The following ITPRID1 variants were observed in gnomAD, a reference collection of about 807,000 sequenced individuals.
ITPRID1 encodes protein ITPRID1.
A neutral mutation model predicts 95.4 loss-of-function variants in ITPRID1; 96 were observed. That is an observed-to-expected ratio of 1.01 (90% CI 0.85 to 1.19). The LOEUF (loss-of-function observed/expected upper bound fraction) is 1.19. Among genes scored for constraint, ITPRID1 ranks in the 50% most tolerant of loss-of-function variants. ITPRID1 has a pLI of 0.00. For missense variants in ITPRID1, 1,339 were observed against 1,252.9 expected (o/e 1.07, Z -1.04); for synonymous variants, 510 against 453.6 (o/e 1.12, Z -1.58).
At chr7:31,614,093 A>C (rs942697030) in intron 10 of ITPRID1, among the ~76,000 whole-genome samples, 11 of 152,176 alleles carry the variant, frequency 7.2e-5, no homozygotes, top group African/African-American at 2.7e-4. Flanking sequence ...ATCAAAGTTT[A>C]AGAACTCCTT....
intron 1 of ITPRID1, among the ~76,000 whole-genome samples, chr7:31,547,639 C>T (rs948869747): frequency 4.6e-5 from 7 of 152,074 alleles, no homozygotes; most frequent in Non-Finnish European, 7.4e-5. Context: ...CAAACCATAG[C>T]AGCTCCTTCT....
At chr7:31,645,325 A>C (rs868276303) in intron 12 of ITPRID1, among the ~76,000 whole-genome samples, 1 of 152,194 alleles carries the variant, frequency 6.6e-6, no homozygotes, top group African/African-American at 2.4e-5. Flanking sequence ...AAAGAGAGTG[A>C]TTACAGGAAA....
intron 5 of ITPRID1, among the ~76,000 whole-genome samples, chr7:31,568,267 C>T (rs1371628639): frequency 6.6e-6 from 1 of 152,178 alleles, no homozygotes; most frequent in Admixed American, 6.6e-5. Flanking sequence ...CTTATCTCCA[C>T]TCCCAAAATT....
chr7:31,518,515 G>A (rs1783119626), intron 1 of ITPRID1, among the ~76,000 whole-genome samples: 1 of 152,166 alleles, frequency 6.6e-6, no homozygotes, highest in Non-Finnish European at 1.5e-5. Flanking sequence ...AGATGGCAGA[G>A]TCAATGATGT....
chr7:31,657,139 AT>A (rs1217509852), downstream of ITPRID1, among the ~76,000 whole-genome samples: 1 of 148,458 alleles, frequency 6.7e-6, no homozygotes, highest in Non-Finnish European at 1.5e-5. Flanking sequence ...AATATATATA[AT>A]CATATATAAA....
In ITPRID1 at chr7:31,577,850, T is replaced by C; in HGVS notation, c.599-13T>C. 1.3e-6 allele frequency: 2 copies of C among 1,555,104 alleles called. No homozygotes were observed. Among genetic ancestry groups the C allele is most frequent in the Admixed American group, 2.0e-5 (1 of 49,962 alleles). On this transcript the variant is annotated splice_polypyrimidine_tract_variant and intron_variant, in intron 8 of 14. Coordinates refer to ENST00000615280, the MANE Select transcript of ITPRID1 (RefSeq NM_001257967.3). ...ACCCAATCTGAAACTTTCGTGTTTC[T>C]TGTGTTGTGCAGGTCGTTTCCGACA...
chr7:31,602,032 G>A (rs1007366798), intron 10 of ITPRID1, among the ~76,000 whole-genome samples: 1 of 151,916 alleles, frequency 6.6e-6, no homozygotes, highest in African/African-American at 2.4e-5. Flanking sequence ...CAGGCTTTAT[G>A]ATAAGGGGTT....
intron 10 of ITPRID1, among the ~76,000 whole-genome samples, chr7:31,603,345 G>A (rs537847765): frequency 1.5e-4 from 23 of 152,006 alleles, no homozygotes; most frequent in African/African-American, 5.1e-4. Flanking sequence ...TTAACACATT[G>A]GCTCCTGTGA....
intron 1 of ITPRID1, among the ~76,000 whole-genome samples, chr7:31,524,081 A>G (rs992263800): frequency 3.9e-4 from 59 of 152,318 alleles, no homozygotes; most frequent in African/African-American, 1.3e-3. Flanking sequence ...CGCAGGAAGT[A>G]TATGTTGGTA....
At chr7:31,607,774 G>T (rs1317839024) in intron 10 of ITPRID1, among the ~76,000 whole-genome samples, 1 of 151,288 alleles carries the variant, frequency 6.6e-6, no homozygotes, top group Admixed American at 6.6e-5. Context: ...TGACACTCAT[G>T]AATTAGTCCT....
chr7:31,529,928 C>A, intron 1 of ITPRID1: 2 of 871,834 alleles, frequency 2.3e-6, no homozygotes, highest in Non-Finnish European at 3.6e-6. Context: ...GAAAGGGCAG[C>A]GATGGCGTGT....
chr7:31,655,892 G>A lies in ITPRID1; in HGVS notation c.*3063G>A. 1 of 985,464 alleles carries A rather than the reference G, an allele frequency of 1.0e-6. No individual in the cohort carries two copies. The highest frequency in any genetic ancestry group is 1.2e-6 in the Non-Finnish European group (1 of 829,978). 61.0% of individuals were successfully genotyped at this position (985,464 alleles called of 1,614,324 possible). On this transcript the variant is annotated 3_prime_UTR_variant, in exon 15 of 15. Transcript: ENST00000615280. ...GAATGAAGAGGAACACCTGGCTCTAGGATGTCCCTCACCTGGCAGCCATCT... is the reference window on the plus strand; with the variant it reads ...GAATGAAGAGGAACACCTGGCTCTAAGATGTCCCTCACCTGGCAGCCATCT...
intron 1 of ITPRID1, chr7:31,518,290 T>C (rs1053271661): frequency 6.6e-6 from 1 of 152,220 alleles, no homozygotes; most frequent in African/African-American, 2.4e-5. Flanking sequence ...AGATACGTTT[T>C]AGCCCAGTGA....
rs1356978612 is a variant in ITPRID1 at position 31,588,412 on chromosome 7, C to G, written c.1228+5221C>G. ...TTGGGAGGCTGAGGTGAGTGGGTCACTTGAGGTCAGGATTTTGATACCAGC... is the reference window on the plus strand; with the variant it reads ...TTGGGAGGCTGAGGTGAGTGGGTCAGTTGAGGTCAGGATTTTGATACCAGC... On this transcript the variant is annotated intron_variant, in intron 10 of 14. Transcript: ENST00000615280. Among the ~76,000 whole-genome samples, 3 of 151,914 alleles carry G rather than the reference C, an allele frequency of 2.0e-5. No individual in the cohort carries two copies. In the South Asian group the frequency reaches 6.2e-4, roughly 32 times the overall value.
At chr7:31,640,477 C>G (rs1447172019) in intron 10 of ITPRID1, among the ~76,000 whole-genome samples, 1 of 152,194 alleles carries the variant, frequency 6.6e-6, no homozygotes, top group African/African-American at 2.4e-5. Context: ...TCTGTTTCCT[C>G]AGCTTCAAGT....
intron 10 of ITPRID1, among the ~76,000 whole-genome samples, chr7:31,637,499 A>T (rs1789603531): frequency 6.6e-6 from 1 of 152,002 alleles, no homozygotes; most frequent in Admixed American, 6.6e-5. Flanking sequence ...GATGATGAGC[A>T]TTTTTTCATG....
At chr7:31,546,454 CATGT>C (rs1784101240) in intron 1 of ITPRID1, among the ~76,000 whole-genome samples, 1 of 151,764 alleles carries the variant, frequency 6.6e-6, no homozygotes, top group African/African-American at 2.4e-5. Flanking sequence ...TCTGTGCATG[CATGT>C]GTCTGTGTGT....
chr7:31,652,030 A>T lies in ITPRID1; in HGVS notation c.2803A>T (p.Ile935Phe). The T allele has an allele frequency of 6.2e-7, 1 of 1,601,238 alleles. No homozygotes were observed. Among genetic ancestry groups the T allele is most frequent in the Non-Finnish European group, 8.5e-7 (1 of 1,173,990 alleles). ...EFQLGDRAQQ[I>F]REGILLQLEV... is the part of the protein sequence containing the mutation. ...TCAGTTAGGAGACCGGGCTCAGCAA[A>T]TCAGAGAAGGGATTTTACTGGTATG... The change falls in exon 14 of 15, where the codon ATC becomes TTC. Residue 935 changes from isoleucine to phenylalanine, a missense_variant. Ile to Phe is a conservative substitution (Grantham distance 21, BLOSUM62 0). Coordinates refer to ENST00000615280, the MANE Select transcript of ITPRID1 (RefSeq NM_001257967.3).
chr7:31,636,066 G>C (rs1789456499), intron 10 of ITPRID1, among the ~76,000 whole-genome samples: 1 of 152,194 alleles, frequency 6.6e-6, no homozygotes, highest in Non-Finnish European at 1.5e-5. Flanking sequence ...ATGAGAGCTA[G>C]CAGGGGAAAT....
Sources: allele counts gnomAD v4.1 joint callset (sites outside exome capture counted in the v4.1 genomes callset), GRCh38; gene constraint gnomAD v4.1.1; transcripts MANE v1.5; gene names NCBI Gene and HGNC (gene_info 2026-07-23, HGNC 2026-07-21).